ARSB: variants seen among roughly 807,000 people sequenced by gnomAD.
The protein encoded by ARSB is arylsulfatase B.
ARSB carries 41 observed loss-of-function variants against 50.9 expected under a neutral mutation model. The ratio of observed to expected loss-of-function variants is 0.81; its 90% CI spans 0.63 to 1.04. ARSB has a LOEUF of 1.04. Among genes scored for constraint, ARSB ranks in the 50% least tolerant of loss-of-function variants. The pLI is 0.00. For synonymous variants in ARSB, 269 were observed against 284.8 expected (o/e 0.94, Z 0.56); for missense variants, 672 against 693.3 (o/e 0.97, Z 0.35).
chr5:78,850,724 T>C (rs566098294), intron 5 of ARSB, among the ~76,000 whole-genome samples: 144 of 152,222 alleles, frequency 9.5e-4, no homozygotes, highest in African/African-American at 3.4e-3. Flanking sequence ...TTGATTATTG[T>C]CACAATTTCA....
At chr5:78,880,062 G>A (rs1747674613) in intron 5 of ARSB, among the ~76,000 whole-genome samples, 1 of 151,994 alleles carries the variant, frequency 6.6e-6, no homozygotes, top group South Asian at 2.1e-4. Flanking sequence ...TTAAAGCCCC[G>A]CAGTCACCAC....
intron 6 of ARSB, chr5:78,815,447 T>A: frequency 1.3e-6 from 1 of 787,178 alleles, no homozygotes; most frequent in Non-Finnish European, 1.5e-6. Context: ...GACACCCCTC[T>A]CTGTGCCAGA....
chr5:78,964,506 T>G lies in ARSB; in HGVS notation c.600A>C (p.Glu200Asp), dbSNP rs1350284696. ...TATTTTTATATCCTGTTGCAACTTCTTCGCCATCTCGAAAATCAAGAGCAC... is the reference window on the plus strand; with the variant it reads ...TATTTTTATATCCTGTTGCAACTTCGTCGCCATCTCGAAAATCAAGAGCAC... Reference protein sequence around the residue: ...TRCALDFRDGEEVATGYKNMY... With the variant: ...TRCALDFRDGDEVATGYKNMY... The change falls in exon 3 of 8, where the codon GAA (glutamate) becomes GAC (aspartate). Residue 200 changes from glutamate (E) to aspartate (D), a missense_variant. Glu to Asp is a conservative substitution (Grantham distance 45, BLOSUM62 2). Coordinates refer to ENST00000264914, the MANE Select transcript of ARSB (RefSeq NM_000046.5). 1 of 1,614,130 alleles carries G rather than the reference T, an allele frequency of 6.2e-7. No homozygotes were observed. Among genetic ancestry groups the G allele is most frequent in the East Asian group, 2.2e-5 (1 of 44,878 alleles).
At chr5:78,974,785 C>T (rs1415427171) in intron 1 of ARSB, among the ~76,000 whole-genome samples, 1 of 152,198 alleles carries the variant, frequency 6.6e-6, no homozygotes, top group Non-Finnish European at 1.5e-5. Flanking sequence ...CTCCCCTTCC[C>T]TCCTGGGAAA....
In ARSB at chr5:78,879,430, C is replaced by T. The variant is rs141089073; in HGVS notation, c.1142+6154G>A. On this transcript the variant is annotated intron_variant, in intron 5 of 7. Coordinates refer to ENST00000264914, the MANE Select transcript of ARSB (RefSeq NM_000046.5). ...CTCCTATTGTAAATAATGTCACCCA[C>T]TCCAGAACTACTATTTCTTCTAACA... 9.8e-4 allele frequency among the ~76,000 whole-genome samples: 150 copies of T among 152,330 alleles called. 1 individual carries two copies. The highest frequency in any genetic ancestry group is 3.4e-3 in the Middle Eastern group (1 of 294).
intron 5 of ARSB, among the ~76,000 whole-genome samples, chr5:78,851,074 A>G (rs1013952651): frequency 6.6e-6 from 1 of 151,910 alleles, no homozygotes; most frequent in Non-Finnish European, 1.5e-5. Context: ...TTCTGCTCTG[A>G]TCTTAGTTAT....
At position 78,970,588 on chromosome 5, in the gene ARSB, T is replaced by C. The variant is rs753185509; in HGVS notation, c.313-1396A>G. Among the ~76,000 whole-genome samples the C allele has an allele frequency of 1.2e-4, 19 of 152,264 alleles. No individual in the cohort carries two copies. The East Asian group carries it at 1.4e-3, about 11-fold the overall frequency. ...ATACTCTAATGTCCAACAGTGATCATTGCCATGAGGAAAAGTAAAGAAGGA... is the reference window on the plus strand; with the variant it reads ...ATACTCTAATGTCCAACAGTGATCACTGCCATGAGGAAAAGTAAAGAAGGA... On this transcript the variant is annotated intron_variant, in intron 1 of 7. Coordinates refer to ENST00000264914, the MANE Select transcript of ARSB (RefSeq NM_000046.5).
intron 4 of ARSB, among the ~76,000 whole-genome samples, chr5:78,914,358 A>C (rs1354828941): frequency 1.3e-5 from 2 of 152,232 alleles, no homozygotes; most frequent in Admixed American, 1.3e-4. Flanking sequence ...AGCTGACTTT[A>C]AATCTAAAAT....
chr5:78,905,346 T>TTTTTTTTG (rs1554081221), intron 4 of ARSB, among the ~76,000 whole-genome samples: 2 of 130,324 alleles, frequency 1.5e-5, no homozygotes, highest in Non-Finnish European at 3.0e-5. Context: ...ATTTTCCTGT[T>TTTTTTTTG]TTTTTTTTTT....
chr5:78,929,150 C>G (rs932637896), intron 4 of ARSB, among the ~76,000 whole-genome samples: 21 of 152,162 alleles, frequency 1.4e-4, no homozygotes, highest in Non-Finnish European at 1.6e-4. Flanking sequence ...AACCGTGGCT[C>G]CTGCAGATGT....
intron 5 of ARSB, among the ~76,000 whole-genome samples, chr5:78,866,155 C>G (rs1746716493): frequency 6.6e-6 from 1 of 152,164 alleles, no homozygotes; most frequent in Non-Finnish European, 1.5e-5. Context: ...AAGACATACC[C>G]AAGACTGGGT....
chr5:78,826,292 G>A (rs909936424), intron 6 of ARSB, among the ~76,000 whole-genome samples: 11 of 152,018 alleles, frequency 7.2e-5, no homozygotes, highest in Admixed American at 1.3e-4. Flanking sequence ...TGATCTGCTC[G>A]CCTCAGCCTC....
At chr5:78,890,317 C>G (rs1414932564) in intron 4 of ARSB, among the ~76,000 whole-genome samples, 1 of 146,736 alleles carries the variant, frequency 6.8e-6, no homozygotes, top group Non-Finnish European at 1.5e-5. Flanking sequence ...GTGGCAGGAT[C>G]ACAGCTCACT....
intron 2 of ARSB, among the ~76,000 whole-genome samples, chr5:78,965,673 C>T (rs1752173273): frequency 6.6e-6 from 1 of 152,180 alleles, no homozygotes; most frequent in Non-Finnish European, 1.5e-5. Context: ...TTGCTAGACT[C>T]TTAGCTATCT....
intron 5 of ARSB, among the ~76,000 whole-genome samples, chr5:78,848,884 G>A (rs1745594563): frequency 6.6e-6 from 1 of 150,516 alleles, no homozygotes; most frequent in South Asian, 2.1e-4. Flanking sequence ...AGAAGCGTCT[G>A]TTCATATCCT....
intron 2 of ARSB, 127 bp from the exon 3 acceptor site, chr5:78,964,733 TCAG>T: frequency 1.1e-6 from 1 of 876,706 alleles, no homozygotes; most frequent in South Asian, 1.4e-5. Flanking sequence ...ACAAGGCTAA[TCAG>T]CACCATTTCT....
intron 4 of ARSB, among the ~76,000 whole-genome samples, chr5:78,945,211 A>T (rs986994549): frequency 6.6e-6 from 1 of 151,458 alleles, no homozygotes; most frequent in Non-Finnish European, 1.5e-5. Flanking sequence ...GAATTCCCTG[A>T]CCCCTTGCGC....
At chr5:78,943,847 C>G (rs1260319337) in intron 4 of ARSB, among the ~76,000 whole-genome samples, 1 of 152,240 alleles carries the variant, frequency 6.6e-6, no homozygotes, top group East Asian at 1.9e-4. Flanking sequence ...TGGGGAAGTT[C>G]TCCTGGATAG....
At chr5:78,902,019 A>G (rs574359136) in intron 4 of ARSB, among the ~76,000 whole-genome samples, 57 of 152,360 alleles carry the variant, frequency 3.7e-4, no homozygotes, top group Non-Finnish European at 6.6e-4. Context: ...GTTAATTTAT[A>G]TAGAAAACAA....
Sources: allele counts gnomAD v4.1 joint callset (sites outside exome capture counted in the v4.1 genomes callset), GRCh38; gene constraint gnomAD v4.1.1; transcripts MANE v1.5; gene names NCBI Gene and HGNC (gene_info 2026-07-23, HGNC 2026-07-21).